Variants in TMCO4 observed in about 807,000 individuals in gnomAD.
TMCO4 encodes transmembrane and coiled-coil domain-containing protein 4.
In TMCO4, 58 loss-of-function variants were observed where a neutral mutation model predicts 64.7. The ratio of observed to expected loss-of-function variants is 0.90; its 90% confidence interval spans 0.73 to 1.12. The LOEUF is 1.12. TMCO4 is among the 50% of genes most tolerant of loss of function. TMCO4 has a pLI of 0.00. For missense variants in TMCO4, 780 were observed against 825.9 expected (o/e 0.94, Z 0.68); for synonymous variants, 325 against 346.1 (o/e 0.94, Z 0.68).
chr1:19,766,285 G>C (rs1170950157), intron 6 of TMCO4, among the ~76,000 whole-genome samples: 2 of 152,186 alleles, frequency 1.3e-5, no homozygotes, highest in Non-Finnish European at 2.9e-5. Context: ...CACGAGGAAG[G>C]ACCTGGACAA....
intron 13 of TMCO4, among the ~76,000 whole-genome samples, chr1:19,733,629 C>T (rs951474480): frequency 2.0e-5 from 3 of 152,074 alleles, no homozygotes; most frequent in Admixed American, 6.6e-5. Flanking sequence ...CATATAGGGG[C>T]CTCATATATA....
At chr1:19,715,899 G>A (rs2095353512) in intron 13 of TMCO4, among the ~76,000 whole-genome samples, 1 of 152,192 alleles carries the variant, frequency 6.6e-6, no homozygotes, top group Non-Finnish European at 1.5e-5. Flanking sequence ...TGGGAGTGGG[G>A]TCTGATCACA....
In TMCO4 at chr1:19,746,595, C is replaced by A; in HGVS notation, c.618G>T (p.Val206=). 1 of 1,606,362 alleles carries A rather than the reference C, an allele frequency of 6.2e-7. No homozygotes were observed. ...ATVGGGTVIG[V]TGGLAAPLVA... The stretch of plus-strand genomic sequence containing the variant: ...CAAGGGGTGCAGCTAGACCTCCAGT[C>A]ACACCTGTGGGAAAAGCAGCAGTTT... The change falls in exon 9 of 16, where the codon GTG becomes GTT. Residue 206 remains valine, a synonymous_variant. Transcript: ENST00000294543.
At chr1:19,724,004 G>A (rs2095397884) in intron 13 of TMCO4, among the ~76,000 whole-genome samples, 1 of 152,200 alleles carries the variant, frequency 6.6e-6, no homozygotes, top group African/African-American at 2.4e-5. Context: ...GGTCAAGGGT[G>A]CCTGCATTCC....
At chr1:19,754,960 G>A (rs1228227267) in intron 7 of TMCO4, among the ~76,000 whole-genome samples, 1 of 151,718 alleles carries the variant, frequency 6.6e-6, no homozygotes, top group Non-Finnish European at 1.5e-5. Flanking sequence ...AAGGCCACCC[G>A]CCCAATGTCA....
In TMCO4 at chr1:19,745,516, T is replaced by C. The variant is rs1437333269; in HGVS notation, c.877+16A>G. On this transcript the variant is annotated intron_variant, in intron 10 of 15. Coordinates refer to ENST00000294543, the MANE Select transcript of TMCO4 (RefSeq NM_181719.7). ...ACTGCCCACCCCCCTCCACTTCTGG[T>C]CCTCCTGGTCCTCACGGTATTTGCC... 1.9e-6 allele frequency: 3 copies of C among 1,613,956 alleles called. No homozygotes were observed. The highest frequency in any genetic ancestry group is 3.3e-5 in the Admixed American group (2 of 60,002).
rs927924694 is a variant in TMCO4, at chr1:19,768,821, C to T, written c.382+1721G>A. On this transcript the variant is annotated intron_variant, in intron 6 of 15. Transcript: ENST00000294543. ...GCAGATCCCAATCAGCGGGTCTGGG[C>T]GGGGGCTGAGACTCTGTATTTCTCA... 8.0e-5 allele frequency among the ~76,000 whole-genome samples: 12 copies of T among 149,906 alleles called. No homozygotes were observed. In the East Asian group the frequency reaches 9.7e-4, roughly 12 times the overall value.
intron 13 of TMCO4, among the ~76,000 whole-genome samples, chr1:19,727,360 G>A (rs995325910): frequency 2.0e-5 from 3 of 152,198 alleles, no homozygotes; most frequent in African/African-American, 4.8e-5. Context: ...CAGGTGCTCC[G>A]TGGGATGACT....
At chr1:19,754,354 A>G (rs2042152218) in intron 7 of TMCO4, among the ~76,000 whole-genome samples, 1 of 152,192 alleles carries the variant, frequency 6.6e-6, no homozygotes, top group African/African-American at 2.4e-5. Flanking sequence ...ATTGGCATGG[A>G]TCCAGGTATT....
chr1:19,712,406 G>A (rs2095335031), intron 13 of TMCO4, among the ~76,000 whole-genome samples: 1 of 151,940 alleles, frequency 6.6e-6, no homozygotes, highest in Non-Finnish European at 1.5e-5. Flanking sequence ...GGATCATGAG[G>A]TCAGGAGTTC....
chr1:19,732,959 C>T lies in TMCO4; in HGVS notation c.1264+4413G>A, dbSNP rs1273607460. 1.3e-5 allele frequency among the ~76,000 whole-genome samples: 2 copies of T among 151,858 alleles called. No homozygotes were observed. The highest frequency in any genetic ancestry group is 4.8e-5 in the African/African-American group (2 of 41,346). Reference sequence around the variant, plus strand: ...TTTTCTTTTTTGCTGACTACCTACTCATCTGTCAATATAGAAGTTTTCTAG... The same window carrying T: ...TTTTCTTTTTTGCTGACTACCTACTTATCTGTCAATATAGAAGTTTTCTAG... On this transcript the variant is annotated intron_variant, in intron 13 of 15. Transcript: ENST00000294543. The surrounding 1 kb of genome is among the most constrained non-coding windows in gnomAD (Gnocchi z 4.8).
chr1:19,771,423 A>G lies in TMCO4; in HGVS notation c.239T>C (p.Val80Ala). ...CGCAAAAGCAGTCATGGTTGGCAAG[A>G]CAGCTTCAGACAACTCCAGCCACTG... ...LVQWLELSEA[V>A]LPTMTAFASG... is the part of the protein sequence containing the mutation. The change falls in exon 5 of 16, where the codon GTC becomes GCC. Residue 80 changes from valine to alanine, a missense_variant. Val to Ala is a moderately conservative substitution (Grantham distance 64). Coordinates refer to ENST00000294543, the MANE Select transcript of TMCO4 (RefSeq NM_181719.7). 6.2e-7 allele frequency: 1 copy of G among 1,614,128 alleles called. No homozygotes were observed. The highest frequency in any genetic ancestry group is 8.5e-7 in the Non-Finnish European group (1 of 1,180,008).
chr1:19,775,301 T>C (rs2043159361), intron 4 of TMCO4, among the ~76,000 whole-genome samples: 1 of 152,202 alleles, frequency 6.6e-6, no homozygotes, highest in Admixed American at 6.5e-5. Context: ...GGTCTTGAAC[T>C]CCTGACCTCA....
chr1:19,691,896 T>G (rs2095197993), intron 15 of TMCO4, among the ~76,000 whole-genome samples: 1 of 152,238 alleles, frequency 6.6e-6, no homozygotes, highest in African/African-American at 2.4e-5. Context: ...ATACGTCTCC[T>G]GAGATCCAAT....
chr1:19,729,958 A>G (rs1166945345), intron 13 of TMCO4, among the ~76,000 whole-genome samples: 2 of 152,208 alleles, frequency 1.3e-5, no homozygotes, highest in Admixed American at 1.3e-4. Flanking sequence ...ATACACATAC[A>G]CACAAAAACC....
intron 12 of TMCO4, 50 bp downstream of exon 12, chr1:19,739,774 T>C (rs1009693372): frequency 2.5e-6 from 4 of 1,587,866 alleles, no homozygotes; most frequent in Non-Finnish European, 3.4e-6. Context: ...AGTCAGCACC[T>C]GACTTCCCCT....
intron 13 of TMCO4, among the ~76,000 whole-genome samples, chr1:19,713,290 G>C (rs1004626661): frequency 6.6e-6 from 1 of 152,160 alleles, no homozygotes; most frequent in Non-Finnish European, 1.5e-5. Flanking sequence ...TACACAATAT[G>C]TCTGAAACAC....
chr1:19,703,073 G>A (rs534745098), intron 13 of TMCO4, among the ~76,000 whole-genome samples: 56 of 152,334 alleles, frequency 3.7e-4, no homozygotes, highest in Non-Finnish European at 1.2e-4. Flanking sequence ...ATTCACAGCA[G>A]TGTGGCAGGG....
At chr1:19,779,428 C>T (rs1008402919) in intron 4 of TMCO4, among the ~76,000 whole-genome samples, 2 of 152,218 alleles carry the variant, frequency 1.3e-5, no homozygotes, top group Non-Finnish European at 2.9e-5. Flanking sequence ...CTAACTGGCC[C>T]CCTCCTGCCT....
Sources: gnomAD v4.1 joint callset for allele counts (sites outside exome capture counted in the v4.1 genomes callset) on GRCh38, gnomAD v4.1.1 for gene constraint, Gnocchi (gnomAD v3.1) non-coding constraint, MANE v1.5 for transcripts, NCBI Gene and HGNC (gene_info 2026-07-23, HGNC 2026-07-21) for gene names.